Variants in PPP2R3A observed in about 807,000 individuals in gnomAD.
The protein encoded by PPP2R3A is protein phosphatase 2 regulatory subunit B''alpha, also known as serine/threonine-protein phosphatase 2A regulatory subunit B'' subunit alpha.
Under a neutral mutation model 106.9 loss-of-function variants are expected in PPP2R3A, and 80 were observed. The observed-to-expected ratio is 0.75, with a 90% CI of 0.62 to 0.90. PPP2R3A has a LOEUF of 0.90. PPP2R3A is among the 40% of genes least tolerant of loss of function. PPP2R3A has a pLI of 0.00. For missense variants in PPP2R3A, 1,386 were observed against 1,350.4 expected (o/e 1.03, Z -0.41); for synonymous variants, 483 against 468.3 (o/e 1.03, Z -0.41).
rs1335109161 is a variant in PPP2R3A, at chr3:136,003,102, A to G, written c.1604A>G (p.Lys535Arg). 2 of 1,611,036 alleles carry G rather than the reference A, an allele frequency of 1.2e-6. No individual in the cohort carries two copies. Among genetic ancestry groups the G allele is most frequent in the South Asian group, 2.2e-5 (2 of 90,254 alleles). Residue 535 changes from lysine to arginine, a missense_variant, in exon 2 of 14, where the codon AAA becomes AGA. Coordinates refer to ENST00000264977, the MANE Select transcript of PPP2R3A (RefSeq NM_002718.5). ...CTAAGAGAGCCACTTGCGAAGGGTA[A>G]AAACTCTAATTTTTTAAATAGTCAC... ...TSLREPLAKG[K>R]NSNFLNSHSQ...
intron 13 of PPP2R3A, among the ~76,000 whole-genome samples, chr3:136,142,413 G>A (rs556650727): frequency 8.6e-4 from 126 of 146,876 alleles, no homozygotes; most frequent in Non-Finnish European, 1.7e-3. Context: ...CCAAAATTAA[G>A]AGGAGTCTCC....
At chr3:136,007,173 A>G (rs1028755843) in intron 2 of PPP2R3A, among the ~76,000 whole-genome samples, 6 of 152,254 alleles carry the variant, frequency 3.9e-5, no homozygotes, top group African/African-American at 1.2e-4. Context: ...AGAATATGGA[A>G]GGAGATGTGT....
At chr3:136,006,501 T>C (rs1171342082) in intron 2 of PPP2R3A, among the ~76,000 whole-genome samples, 1 of 152,198 alleles carries the variant, frequency 6.6e-6, no homozygotes, top group Admixed American at 6.6e-5. Flanking sequence ...TGTAGTCTTA[T>C]TTGCCCTTTG....
rs1937342986 is a variant in PPP2R3A at position 136,100,861 on chromosome 3, C to T, written c.2928-1146C>T. Among the ~76,000 whole-genome samples, 6 of 152,064 alleles carry T rather than the reference C, an allele frequency of 3.9e-5. No homozygotes were observed. In the South Asian group the frequency reaches 1.2e-3, roughly 32 times the overall value. ...AAACAAAAAATCTGAAGGCAAAACA[C>T]CACAAACCTCTAATTCTATAACTAG... On this transcript the variant is annotated intron_variant, in intron 10 of 13. Transcript: ENST00000264977.
At chr3:136,089,817 A>C (rs146261843) in intron 9 of PPP2R3A, among the ~76,000 whole-genome samples, 13 of 150,336 alleles carry the variant, frequency 8.6e-5, no homozygotes, top group African/African-American at 2.9e-4. Flanking sequence ...GAGATTTTTC[A>C]CCTCCTTGGT....
intron 3 of PPP2R3A, among the ~76,000 whole-genome samples, chr3:136,028,139 C>G (rs1436011143): frequency 6.6e-6 from 1 of 152,168 alleles, no homozygotes; most frequent in Non-Finnish European, 1.5e-5. Flanking sequence ...AGAGTTCTCC[C>G]TCCAGAGTGG....
At chr3:136,062,427 A>G (rs1172818350) in intron 5 of PPP2R3A, among the ~76,000 whole-genome samples, 1 of 152,096 alleles carries the variant, frequency 6.6e-6, no homozygotes, top group African/African-American at 2.4e-5. Flanking sequence ...ATACAGTTAC[A>G]TTTGAGAATA....
At chr3:136,104,057 A>G (rs529049023) in intron 12 of PPP2R3A, among the ~76,000 whole-genome samples, 7 of 152,344 alleles carry the variant, frequency 4.6e-5, no homozygotes, top group African/African-American at 1.7e-4. Context: ...GCAGTTGAGT[A>G]ACAGTAAACT....
intron 5 of PPP2R3A, among the ~76,000 whole-genome samples, chr3:136,067,611 CAG>C (rs1936299030): frequency 6.6e-6 from 1 of 152,160 alleles, no homozygotes; most frequent in African/African-American, 2.4e-5. Flanking sequence ...CAGAGATCTT[CAG>C]AAGTTCCTCC....
rs189046004 is a variant in PPP2R3A at position 136,059,099 on chromosome 3, A to G, written c.2469+9738A>G. ...CACAGGCAAAGCTTTCATGACAAAG[A>G]CACCAAGAGCAATTGTAACGGGCAA... On this transcript the variant is annotated intron_variant, in intron 5 of 13. Transcript: ENST00000264977. Among the ~76,000 whole-genome samples, 11 of 152,324 alleles carry G rather than the reference A, an allele frequency of 7.2e-5. No homozygotes were observed. The East Asian group carries it at 1.9e-3, about 27-fold the overall frequency.
At chr3:136,101,973 C>CA in intron 10 of PPP2R3A, 34 bp from the exon 11 acceptor site, 1 of 1,583,144 alleles carries the variant, frequency 6.3e-7, no homozygotes, top group Non-Finnish European at 8.6e-7. Flanking sequence ...AGGTCTTTAC[C>CA]AGGCCCATGA....
chr3:136,023,258 T>G (rs2107817233), intron 2 of PPP2R3A: 35 of 1,188,766 alleles, frequency 2.9e-5, no homozygotes, highest in Admixed American at 4.4e-5. Context: ...AAAATATTTT[T>G]ATTACTAATA....
At chr3:136,119,778 A>G (rs1462799697) in intron 13 of PPP2R3A, among the ~76,000 whole-genome samples, 1 of 152,236 alleles carries the variant, frequency 6.6e-6, no homozygotes, top group Non-Finnish European at 1.5e-5. Context: ...AGTTAGTTCA[A>G]CCATTGTGGA....
At chr3:136,139,901 G>T (rs917626455) in intron 13 of PPP2R3A, among the ~76,000 whole-genome samples, 6 of 151,260 alleles carry the variant, frequency 4.0e-5, no homozygotes, top group Admixed American at 2.0e-4. Context: ...AGCTACTCAG[G>T]AGGCTGAGGC....
chr3:136,079,746 CTT>C (rs79330361), intron 7 of PPP2R3A, among the ~76,000 whole-genome samples: 19 of 142,424 alleles, frequency 1.3e-4, no homozygotes, highest in Admixed American at 1.4e-4. Flanking sequence ...AAAATTAATC[CTT>C]TTTTTTTTTT....
At chr3:136,026,748 G>C in intron 2 of PPP2R3A, 84 bp from the exon 3 acceptor site, 2 of 1,290,022 alleles carry the variant, frequency 1.6e-6, no homozygotes, top group Non-Finnish European at 2.1e-6. Context: ...CTCTGATTGT[G>C]GTTTCTTATA....
intron 1 of PPP2R3A, among the ~76,000 whole-genome samples, chr3:135,990,336 A>T (rs1933107149): frequency 6.6e-6 from 1 of 152,164 alleles, no homozygotes; most frequent in Non-Finnish European, 1.5e-5. Context: ...AGGGAAGGGA[A>T]GGAGGATGTA....
At chr3:136,069,080 T>G (rs1936349500) in intron 5 of PPP2R3A, among the ~76,000 whole-genome samples, 1 of 152,148 alleles carries the variant, frequency 6.6e-6, no homozygotes, top group Non-Finnish European at 1.5e-5. Flanking sequence ...ACACAAAAGC[T>G]AAATGCAGTG....
rs151009181 is a variant in PPP2R3A, at chr3:136,102,170, C to G, written c.3091C>G (p.Pro1031Ala). Residue 1031 changes from proline to alanine, a missense_variant, in exon 11 of 14, where the codon CCA becomes GCA. Pro to Ala is a conservative substitution (Grantham distance 27, BLOSUM62 -1). Coordinates refer to ENST00000264977, the MANE Select transcript of PPP2R3A (RefSeq NM_002718.5). ...LLCQMLDLVK[P>A]AVDGKITLRD... Reference sequence around the variant, plus strand: ...GTGCCAGATGCTTGACCTAGTGAAGCCAGCTGTTGATGGTGAGACCAAGCA... The same window carrying G: ...GTGCCAGATGCTTGACCTAGTGAAGGCAGCTGTTGATGGTGAGACCAAGCA... 1 of 1,612,836 alleles carries G rather than the reference C, an allele frequency of 6.2e-7. No homozygotes were observed. Among genetic ancestry groups the G allele is most frequent in the African/African-American group, 1.3e-5 (1 of 74,812 alleles).
Sources: allele counts gnomAD v4.1 joint callset (sites outside exome capture counted in the v4.1 genomes callset), GRCh38; gene constraint gnomAD v4.1.1; transcripts MANE v1.5; gene names NCBI Gene and HGNC (gene_info 2026-07-23, HGNC 2026-07-21).